Variants in RBFOX1 observed in about 807,000 individuals in gnomAD.
RBFOX1 encodes RNA binding fox-1 homolog 1.
Under a neutral mutation model 57.7 loss-of-function variants are expected in RBFOX1, and 8 were observed. The ratio of observed to expected loss-of-function variants is 0.14; its 90% CI spans 0.08 to 0.25. The LOEUF (loss-of-function observed/expected upper bound fraction) is 0.25, where lower values mean the gene tolerates loss of function less well. Ranked by LOEUF, RBFOX1 falls within the 10% of genes least tolerant of loss-of-function variation. The pLI, the probability that RBFOX1 is intolerant of heterozygous loss-of-function variation, is 1.00. For synonymous variants in RBFOX1, 326 were observed against 222.4 expected (o/e 1.47, Z -4.15); for missense variants, 611 against 548.5 (o/e 1.11, Z -1.14).
chr16:7,085,613 G>C (rs906181397), intron 4 of RBFOX1, among the ~76,000 whole-genome samples: 1 of 152,056 alleles, frequency 6.6e-6, no homozygotes, highest in Non-Finnish European at 1.5e-5. Context: ...TTAAAGAGTA[G>C]GGTGCTTAGT....
At chr16:5,548,976 G>A (rs1383926177) in intron 2 of RBFOX1, among the ~76,000 whole-genome samples, 1 of 152,202 alleles carries the variant, frequency 6.6e-6, no homozygotes, top group Non-Finnish European at 1.5e-5. Context: ...TATTAGTAAT[G>A]AAGATAAGGT....
At chr16:6,261,150 C>T (rs538972221) in intron 1 of RBFOX1, among the ~76,000 whole-genome samples, 2 of 152,282 alleles carry the variant, frequency 1.3e-5, no homozygotes, top group African/African-American at 4.8e-5. Context: ...TCACTTTCTG[C>T]CTAGGGTTGT....
intron 3 of RBFOX1, among the ~76,000 whole-genome samples, chr16:6,891,850 A>T (rs114255474): frequency 6.6e-6 from 1 of 152,166 alleles, no homozygotes; most frequent in Non-Finnish European, 1.5e-5. Context: ...CATTATAGCT[A>T]CTTAGTGGAC....
At chr16:6,199,543 A>G (rs2097201993) in intron 1 of RBFOX1, among the ~76,000 whole-genome samples, 1 of 152,196 alleles carries the variant, frequency 6.6e-6, no homozygotes. Context: ...TCTAATTCAG[A>G]TTTAGTGCTT....
chr16:6,146,637 A>G (rs886236568), intron 1 of RBFOX1, among the ~76,000 whole-genome samples: 2 of 152,206 alleles, frequency 1.3e-5, no homozygotes, highest in African/African-American at 4.8e-5. Context: ...CCTTAGGACG[A>G]TGCTGGGCAT....
intron 4 of RBFOX1, among the ~76,000 whole-genome samples, chr16:7,455,203 C>A (rs548137035): frequency 6.6e-6 from 1 of 152,248 alleles, no homozygotes; most frequent in African/African-American, 2.4e-5. Flanking sequence ...TTTAGCCTAC[C>A]AAATGCTTTG....
At chr16:5,637,169 C>T (rs116402293) in intron 3 of RBFOX1, among the ~76,000 whole-genome samples, 56 of 152,324 alleles carry the variant, frequency 3.7e-4, no homozygotes, top group African/African-American at 9.4e-4. Context: ...TAAGCTGTCA[C>T]GCAGGGCAGC....
intron 4 of RBFOX1, among the ~76,000 whole-genome samples, chr16:7,362,271 G>C (rs1226457905): frequency 6.8e-6 from 1 of 147,974 alleles, no homozygotes; most frequent in Non-Finnish European, 1.5e-5. Context: ...TGTGTGTTTT[G>C]TGTGTATGTT....
chr16:7,704,198 G>A (rs183937331), intron 14 of RBFOX1, among the ~76,000 whole-genome samples: 68 of 152,196 alleles, frequency 4.5e-4, no homozygotes, highest in South Asian at 1.2e-3. Context: ...CCAAGCCCTC[G>A]GGTTGCTTCC....
chr16:6,870,170 T>G (rs1221431713), intron 3 of RBFOX1, among the ~76,000 whole-genome samples: 2 of 152,180 alleles, frequency 1.3e-5, no homozygotes, highest in African/African-American at 4.8e-5. Flanking sequence ...TGAATGAGTT[T>G]AGGGTTTGGC....
At chr16:7,215,213 G>T (rs1168368873) in intron 4 of RBFOX1, among the ~76,000 whole-genome samples, 1 of 152,128 alleles carries the variant, frequency 6.6e-6, no homozygotes, top group Non-Finnish European at 1.5e-5. Context: ...AGCTTCATCC[G>T]TGTCTCCAAG....
chr16:6,772,599 G>T (rs1292196657), intron 3 of RBFOX1, among the ~76,000 whole-genome samples: 1 of 150,492 alleles, frequency 6.6e-6, no homozygotes, highest in Admixed American at 6.6e-5. Flanking sequence ...TGGGTATGGG[G>T]TGCATTTGTG....
chr16:7,379,268 T>G (rs2097743970), intron 4 of RBFOX1, among the ~76,000 whole-genome samples: 1 of 152,242 alleles, frequency 6.6e-6, no homozygotes, highest in African/African-American at 2.4e-5. Flanking sequence ...GTTTCATTGG[T>G]AACTGTGCCC....
chr16:6,553,416 C>T (rs1219270228), intron 2 of RBFOX1, among the ~76,000 whole-genome samples: 1 of 152,176 alleles, frequency 6.6e-6, no homozygotes, highest in African/African-American at 2.4e-5. Flanking sequence ...AAGGAGAATG[C>T]TCTTTTTGAG....
At chr16:5,835,634 T>G (rs1473636416) in intron 3 of RBFOX1, among the ~76,000 whole-genome samples, 1 of 152,226 alleles carries the variant, frequency 6.6e-6, no homozygotes, top group East Asian at 1.9e-4. Context: ...TGCAGGATTC[T>G]GAAGCAGGTG....
chr16:6,434,723 G>C (rs2094187763), intron 2 of RBFOX1, among the ~76,000 whole-genome samples: 1 of 152,174 alleles, frequency 6.6e-6, no homozygotes, highest in South Asian at 2.1e-4. Context: ...CAACTAGACA[G>C]AGAACTCTGA....
At chr16:6,399,486 A>G (rs972531836) in intron 2 of RBFOX1, among the ~76,000 whole-genome samples, 2 of 152,180 alleles carry the variant, frequency 1.3e-5, no homozygotes, top group African/African-American at 4.8e-5. Context: ...TCCAGTTCCC[A>G]AGAAGTTCCT....
intron 3 of RBFOX1, among the ~76,000 whole-genome samples, chr16:5,763,191 C>A (rs995598659): frequency 6.6e-6 from 1 of 152,196 alleles, no homozygotes; most frequent in Non-Finnish European, 1.5e-5. Context: ...GGGCAGCCTT[C>A]CTTCCCCGCT....
intron 3 of RBFOX1, among the ~76,000 whole-genome samples, chr16:6,841,784 C>T (rs1002555723): frequency 2.0e-5 from 3 of 152,102 alleles, no homozygotes; most frequent in Non-Finnish European, 4.4e-5. Flanking sequence ...GTTCCATTCT[C>T]AAGCCAGTGA....
Sources: allele counts gnomAD v4.1 joint callset (sites outside exome capture counted in the v4.1 genomes callset), GRCh38; gene constraint gnomAD v4.1.1; transcripts MANE v1.5; gene names NCBI Gene and HGNC (gene_info 2026-07-23, HGNC 2026-07-21).